NTM: variants seen among roughly 807,000 people sequenced by gnomAD.
NTM encodes neurotrimin.
NTM carries 13 observed loss-of-function variants against 42.1 expected under a neutral mutation model. The ratio of observed to expected loss-of-function variants is 0.31; its 90% CI spans 0.20 to 0.49. NTM has a LOEUF of 0.49. NTM is among the 20% of genes least tolerant of loss of function. NTM has a pLI of 0.99. For synonymous variants in NTM, 187 were observed against 179.2 expected (o/e 1.04, Z -0.35); for missense variants, 373 against 452.8 (o/e 0.82, Z 1.60).
At chr11:131,568,545 A>T (rs2137063235) in intron 1 of NTM, among the ~76,000 whole-genome samples, 1 of 152,272 alleles carries the variant, frequency 6.6e-6, no homozygotes, top group Non-Finnish European at 1.5e-5. Flanking sequence ...CATAGTTTTG[A>T]TTGGTCAGAT....
chr11:131,888,636 G>A (rs2050767775), intron 1 of NTM, among the ~76,000 whole-genome samples: 1 of 152,152 alleles, frequency 6.6e-6, no homozygotes, highest in Non-Finnish European at 1.5e-5. Context: ...CATCTCTGAC[G>A]CTGCTAACCA....
intron 1 of NTM, among the ~76,000 whole-genome samples, chr11:131,433,003 C>T (rs1320630292): frequency 3.3e-5 from 5 of 151,524 alleles, no homozygotes; most frequent in South Asian, 2.1e-4. Flanking sequence ...TGCAGGCGCC[C>T]GCCACCACGC....
At chr11:131,993,377 G>C (rs1420811025) in intron 2 of NTM, among the ~76,000 whole-genome samples, 2 of 152,106 alleles carry the variant, frequency 1.3e-5, no homozygotes, top group African/African-American at 4.8e-5. Flanking sequence ...TCTAGAACAA[G>C]TCCCATGTTT....
At position 132,140,305 on chromosome 11, in the gene NTM, G is replaced by A. The variant is rs528160002; in HGVS notation, c.168-5977G>A. Reference sequence around the variant, plus strand: ...GTGCAGTGTGTGTGCTGCTGCTTTTGGTTTTGTTTGTTTCCTTTTTCCTCC... The same window carrying A: ...GTGCAGTGTGTGTGCTGCTGCTTTTAGTTTTGTTTGTTTCCTTTTTCCTCC... On this transcript the variant is annotated intron_variant, in intron 2 of 8. Coordinates refer to ENST00000683400, the MANE Select transcript of NTM (RefSeq NM_001352005.2). Among the ~76,000 whole-genome samples, 6 of 152,192 alleles carry A rather than the reference G, an allele frequency of 3.9e-5. No individual in the cohort carries two copies. In the East Asian group the frequency reaches 1.2e-3, roughly 29 times the overall value.
At chr11:131,531,782 T>C (rs2051316169) in intron 1 of NTM, among the ~76,000 whole-genome samples, 1 of 152,168 alleles carries the variant, frequency 6.6e-6, no homozygotes, top group Non-Finnish European at 1.5e-5. Flanking sequence ...AGAAAGCAAG[T>C]ATGGGAACAT....
intron 1 of NTM, among the ~76,000 whole-genome samples, chr11:131,390,788 C>A (rs1226800745): frequency 6.6e-6 from 1 of 152,076 alleles, no homozygotes; most frequent in East Asian, 1.9e-4. Flanking sequence ...CAAGCCCCAC[C>A]CCCAGAGAGC....
intron 1 of NTM, among the ~76,000 whole-genome samples, chr11:131,755,349 G>T (rs1158624739): frequency 6.6e-6 from 1 of 152,118 alleles, no homozygotes; most frequent in Non-Finnish European, 1.5e-5. Context: ...ACTGGCAAGG[G>T]AGTGGAAGGG....
At chr11:132,045,210 T>C (rs2077819081) in intron 2 of NTM, among the ~76,000 whole-genome samples, 1 of 152,236 alleles carries the variant, frequency 6.6e-6, no homozygotes, top group African/African-American at 2.4e-5. Flanking sequence ...GATAAGCAGT[T>C]ACACATCTCT....
At chr11:131,937,994 T>C (rs563049155) in intron 2 of NTM, among the ~76,000 whole-genome samples, 1 of 152,300 alleles carries the variant, frequency 6.6e-6, no homozygotes, top group Admixed American at 6.5e-5. Flanking sequence ...ATAGGCATGC[T>C]CTTAATTAAT....
chr11:131,736,803 A>G (rs1043478638), intron 1 of NTM, among the ~76,000 whole-genome samples: 19 of 152,198 alleles, frequency 1.2e-4, no homozygotes, highest in African/African-American at 3.9e-4. Flanking sequence ...GGAAGGATGA[A>G]TGAGGAGAGA....
chr11:131,770,029 A>G (rs2085795067), intron 1 of NTM, among the ~76,000 whole-genome samples: 1 of 152,316 alleles, frequency 6.6e-6, no homozygotes, highest in African/African-American at 2.4e-5. Flanking sequence ...TCTGAAGAAG[A>G]GCCAGTGAGA....
chr11:131,532,539 T>C (rs1005242853), intron 1 of NTM, among the ~76,000 whole-genome samples: 1 of 152,226 alleles, frequency 6.6e-6, no homozygotes, highest in Non-Finnish European at 1.5e-5. Context: ...GGTCTACATG[T>C]ATCTGTTCAA....
At chr11:132,055,463 C>T (rs2079490353) in intron 2 of NTM, among the ~76,000 whole-genome samples, 1 of 152,136 alleles carries the variant, frequency 6.6e-6, no homozygotes, top group Admixed American at 6.5e-5. Context: ...TGAATAGAAA[C>T]ATGTTTATTA....
At chr11:131,430,198 A>G (rs1015065957) in intron 1 of NTM, among the ~76,000 whole-genome samples, 1 of 152,230 alleles carries the variant, frequency 6.6e-6, no homozygotes, top group Non-Finnish European at 1.5e-5. Context: ...TAATTGCAAT[A>G]AAACAAAAAT....
intron 2 of NTM, among the ~76,000 whole-genome samples, chr11:132,116,848 A>T (rs562287773): frequency 2.0e-5 from 3 of 152,182 alleles, no homozygotes; most frequent in African/African-American, 7.2e-5. Context: ...CTTGAAAACT[A>T]GTGTAGTTAA....
chr11:132,040,317 C>T lies in NTM; in HGVS notation c.168-105965C>T, dbSNP rs143605399. 9.9e-4 allele frequency among the ~76,000 whole-genome samples: 150 copies of T among 151,938 alleles called. 2 individuals carry two copies. The highest frequency in any genetic ancestry group is 3.5e-3 in the African/African-American group (144 of 41,408). On this transcript the variant is annotated intron_variant, in intron 2 of 8. Coordinates refer to ENST00000683400, the MANE Select transcript of NTM (RefSeq NM_001352005.2). ...CAGTTTACTAGTCTGGGAAATGGGC[C>T]CTAGCAAGAATGGCCATTAACTAGA... is the stretch of plus-strand genomic sequence containing the variant.
intron 1 of NTM, among the ~76,000 whole-genome samples, chr11:131,407,199 A>G (rs770938374): frequency 8.1e-4 from 124 of 152,232 alleles, no homozygotes; most frequent in Non-Finnish European, 1.4e-3. Context: ...GATTTTTAAA[A>G]GGAAGGAAGA....
chr11:131,498,613 C>T (rs577299297), intron 1 of NTM, among the ~76,000 whole-genome samples: 2 of 152,102 alleles, frequency 1.3e-5, no homozygotes, highest in Non-Finnish European at 2.9e-5. Context: ...GATCTTGTTT[C>T]ATTAAAAATG....
At chr11:131,849,860 T>C (rs1035331063) in intron 1 of NTM, among the ~76,000 whole-genome samples, 3 of 150,512 alleles carry the variant, frequency 2.0e-5, no homozygotes, top group East Asian at 2.0e-4. Flanking sequence ...TTAGGAGATA[T>C]ACCTAATGCT....
Sources: gnomAD v4.1 joint callset for allele counts (sites outside exome capture counted in the v4.1 genomes callset) on GRCh38, gnomAD v4.1.1 for gene constraint, MANE v1.5 for transcripts, NCBI Gene and HGNC (gene_info 2026-07-23, HGNC 2026-07-21) for gene names.